SRPK2: variants seen among roughly 807,000 people sequenced by gnomAD.
The protein encoded by SRPK2 is SRSF protein kinase 2, also known as SFRS protein kinase 2.
Under a neutral mutation model 90.8 loss-of-function variants are expected in SRPK2, and 21 were observed. The observed-to-expected ratio is 0.23, with a 90% CI of 0.16 to 0.33. SRPK2 has a LOEUF of 0.33. SRPK2 is among the 10% of genes least tolerant of loss of function. The pLI is 1.00. For missense variants in SRPK2, 620 were observed against 869.0 expected (o/e 0.71, Z 3.60); for synonymous variants, 288 against 311.1 (o/e 0.93, Z 0.78).
chr7:105,145,652 T>G (rs1804503614), intron 8 of SRPK2, among the ~76,000 whole-genome samples: 1 of 152,130 alleles, frequency 6.6e-6, no homozygotes, highest in Non-Finnish European at 1.5e-5. Context: ...AAACCAAATT[T>G]GTTTAAAATA....
intron 9 of SRPK2, among the ~76,000 whole-genome samples, chr7:105,144,771 T>G (rs1229512591): frequency 6.6e-6 from 1 of 152,180 alleles, no homozygotes; most frequent in Non-Finnish European, 1.5e-5. Context: ...AGACAATTTT[T>G]GAAAGGCTCT....
chr7:105,265,242 A>G (rs1804882449), intron 2 of SRPK2, among the ~76,000 whole-genome samples: 1 of 152,244 alleles, frequency 6.6e-6, no homozygotes, highest in African/African-American at 2.4e-5. Context: ...TATTTGGGAT[A>G]TAAAACAATA....
chr7:105,127,105 C>A lies in SRPK2; in HGVS notation c.1753-43G>T, dbSNP rs531805240. Reference sequence around the variant, plus strand: ...ACATGCTAAGCACTTCAGAGACTGGCCCCCAAGTCAACAGCTTTTTCTCCT... The same window carrying A: ...ACATGCTAAGCACTTCAGAGACTGGACCCCAAGTCAACAGCTTTTTCTCCT... On this transcript the variant is annotated intron_variant, in intron 13 of 15. Transcript: ENST00000393651. 1.9e-4 allele frequency: 311 copies of A among 1,596,030 alleles called. 4 individuals are homozygous for A. The South Asian group carries it at 3.3e-3, about 17-fold the overall frequency.
upstream of SRPK2, among the ~76,000 whole-genome samples, chr7:105,394,215 T>C (rs1038967979): frequency 3.3e-5 from 5 of 151,236 alleles, no homozygotes; most frequent in East Asian, 7.8e-4. Flanking sequence ...TGATTTCGGC[T>C]CACCGCAACC....
intron 2 of SRPK2, among the ~76,000 whole-genome samples, chr7:105,305,805 T>C (rs1481734605): frequency 6.6e-6 from 1 of 152,194 alleles, no homozygotes; most frequent in Admixed American, 6.5e-5. Context: ...AAAGGGTGAT[T>C]AAAATTTGGG....
At chr7:105,121,358 AAG>A (rs1800341731) in intron 15 of SRPK2, among the ~76,000 whole-genome samples, 1 of 140,938 alleles carries the variant, frequency 7.1e-6, no homozygotes, top group Non-Finnish European at 1.5e-5. Flanking sequence ...AAAAGGAAAA[AAG>A]AAAATATATG....
At chr7:105,267,155 G>C (rs150554784) in intron 2 of SRPK2, among the ~76,000 whole-genome samples, 1 of 152,156 alleles carries the variant, frequency 6.6e-6, no homozygotes, top group East Asian at 1.9e-4. Flanking sequence ...CCAGAGTGTA[G>C]GTAAGTAAAT....
chr7:105,386,975 C>G (rs893065844), intron 2 of SRPK2, among the ~76,000 whole-genome samples: 1 of 152,126 alleles, frequency 6.6e-6, no homozygotes, highest in Non-Finnish European at 1.5e-5. Flanking sequence ...CATCAACATA[C>G]CACATAAATC....
At chr7:105,160,704 T>G (rs1373269023) in intron 6 of SRPK2, 91 bp from the exon 7 acceptor site, 3 of 680,114 alleles carry the variant, frequency 4.4e-6, no homozygotes, top group African/African-American at 1.8e-5. Flanking sequence ...GCAAAGCACT[T>G]ATTACTTTAT....
In SRPK2 at chr7:105,164,275, G is replaced by C. The variant is rs1808178414; in HGVS notation, c.514+3102C>G. On this transcript the variant is annotated intron_variant, in intron 6 of 15. Transcript: ENST00000393651. ...TGCTTATTATGAGAGCTAATTTTGAGAAAGTCAGTGAATGCTTTAGCAGGA... is the reference window on the plus strand; with the variant it reads ...TGCTTATTATGAGAGCTAATTTTGACAAAGTCAGTGAATGCTTTAGCAGGA... 1.3e-5 allele frequency among the ~76,000 whole-genome samples: 2 copies of C among 152,194 alleles called. 1 individual carries two copies. Among genetic ancestry groups the C allele is most frequent in the South Asian group, 4.1e-4 (2 of 4,836 alleles).
intron 11 of SRPK2, among the ~76,000 whole-genome samples, chr7:105,139,364 A>C (rs747900700): frequency 6.6e-6 from 1 of 152,212 alleles, no homozygotes; most frequent in Non-Finnish European, 1.5e-5. Flanking sequence ...ACCCCTACTT[A>C]GGAGGTATGA....
chr7:105,387,539 A>G (rs996849624), intron 2 of SRPK2, among the ~76,000 whole-genome samples: 1 of 149,434 alleles, frequency 6.7e-6, no homozygotes, highest in Non-Finnish European at 1.5e-5. Flanking sequence ...GGTATTTTTA[A>G]GTCACTATCC....
At chr7:105,254,512 T>C (rs1268872661) in intron 2 of SRPK2, among the ~76,000 whole-genome samples, 2 of 152,246 alleles carry the variant, frequency 1.3e-5, no homozygotes, top group African/African-American at 4.8e-5. Flanking sequence ...CTCAGTTCTA[T>C]GCAACCTTTA....
intron 7 of SRPK2, among the ~76,000 whole-genome samples, chr7:105,154,209 C>T (rs940316082): frequency 5.3e-5 from 8 of 152,348 alleles, no homozygotes; most frequent in African/African-American, 1.9e-4. Flanking sequence ...GTTAAAGCTG[C>T]TGTGCCCAGC....
intron 15 of SRPK2, among the ~76,000 whole-genome samples, chr7:105,118,267 C>A (rs144326898): frequency 1.4e-3 from 215 of 152,306 alleles, no homozygotes; most frequent in African/African-American, 4.9e-3. Context: ...CACATTAGTT[C>A]TAAGCTTCTT....
intron 3 of SRPK2, among the ~76,000 whole-genome samples, chr7:105,173,947 T>A (rs1221657504): frequency 2.0e-5 from 3 of 149,696 alleles, no homozygotes; most frequent in Admixed American, 6.7e-5. Context: ...TTTGGCTGCT[T>A]AAAAAAACAA....
intron 7 of SRPK2, among the ~76,000 whole-genome samples, chr7:105,147,854 T>C (rs540437118): frequency 5.3e-5 from 8 of 152,350 alleles, no homozygotes; most frequent in Admixed American, 1.3e-4. Flanking sequence ...CTTATTCTTA[T>C]TGGCAAACAG....
At chr7:105,170,418 C>T (rs1175967738) in intron 3 of SRPK2, among the ~76,000 whole-genome samples, 4 of 151,894 alleles carry the variant, frequency 2.6e-5, no homozygotes, top group African/African-American at 9.7e-5. Context: ...TGAGGCCGGG[C>T]ACGGTGGCTC....
intron 2 of SRPK2, among the ~76,000 whole-genome samples, chr7:105,284,718 G>T (rs768301071): frequency 6.6e-6 from 1 of 152,044 alleles, no homozygotes; most frequent in African/African-American, 2.4e-5. Flanking sequence ...TTCTCACCTC[G>T]AGCATCAGTA....
Sources: gnomAD v4.1 joint callset for allele counts (sites outside exome capture counted in the v4.1 genomes callset) on GRCh38, gnomAD v4.1.1 for gene constraint, MANE v1.5 for transcripts, NCBI Gene and HGNC (gene_info 2026-07-23, HGNC 2026-07-21) for gene names.